Variants in SH3RF1 observed in about 807,000 individuals in gnomAD.
SH3RF1 encodes E3 ubiquitin-protein ligase SH3RF1.
In SH3RF1, 32 loss-of-function variants were observed where a neutral mutation model predicts 74.0. The ratio of observed to expected loss-of-function variants is 0.43; its 90% confidence interval spans 0.33 to 0.58. The LOEUF is 0.58. Ranked by LOEUF, SH3RF1 falls within the 20% of genes least tolerant of loss-of-function variation. SH3RF1 has a pLI of 0.05. For missense variants in SH3RF1, 954 were observed against 1,130.9 expected (o/e 0.84, Z 2.24); for synonymous variants, 396 against 439.6 (o/e 0.90, Z 1.24).
intron 2 of SH3RF1, among the ~76,000 whole-genome samples, chr4:169,211,678 G>A (rs772442969): frequency 1.3e-5 from 2 of 152,126 alleles, no homozygotes; most frequent in Non-Finnish European, 2.9e-5. Flanking sequence ...ATTAAAAGGG[G>A]GGAAGTGTTA....
intron 11 of SH3RF1, among the ~76,000 whole-genome samples, chr4:169,103,086 A>ATT (rs60740517): frequency 2.2e-4 from 19 of 87,070 alleles, no homozygotes; most frequent in East Asian, 3.3e-4. Context: ...GCGCCTGGCT[A>ATT]TTTTTTTTTT....
At chr4:169,109,234 G>A (rs1733200615) in intron 10 of SH3RF1, among the ~76,000 whole-genome samples, 2 of 152,182 alleles carry the variant, frequency 1.3e-5, no homozygotes, top group African/African-American at 4.8e-5. Flanking sequence ...CAAGTCCATT[G>A]ATAAATTACA....
At chr4:169,215,666 T>A (rs1232269130) in intron 2 of SH3RF1, among the ~76,000 whole-genome samples, 1 of 152,230 alleles carries the variant, frequency 6.6e-6, no homozygotes. Context: ...GTTTTGTTTA[T>A]TATTGAAGTT....
At chr4:169,164,882 CCAACTGACAGATA>C (rs1457011298) in intron 2 of SH3RF1, among the ~76,000 whole-genome samples, 1 of 152,104 alleles carries the variant, frequency 6.6e-6, no homozygotes, top group Non-Finnish European at 1.5e-5. Context: ...GCCTTAGTAC[CCAACTGACAGATA>C]AATCATTAAA....
chr4:169,255,967 T>C (rs1731187024), intron 2 of SH3RF1, among the ~76,000 whole-genome samples: 1 of 151,906 alleles, frequency 6.6e-6, no homozygotes. Context: ...GAGGTTTTGC[T>C]ATGTTGCCCA....
At chr4:169,105,647 A>G (rs549941798) in intron 11 of SH3RF1, among the ~76,000 whole-genome samples, 10 of 152,298 alleles carry the variant, frequency 6.6e-5, no homozygotes, top group African/African-American at 2.4e-4. Flanking sequence ...TAATCGCAGC[A>G]TTTTGGGAGG....
At chr4:169,113,111 CT>C (rs557151832) in intron 10 of SH3RF1, among the ~76,000 whole-genome samples, 1,807 of 150,102 alleles carry the variant, frequency 0.012, 19 homozygotes, top group African/African-American at 0.04. Context: ...TCCCAGTTTT[CT>C]TTTTTTTTTC....
At chr4:169,239,444 GA>G (rs1237910137) in intron 2 of SH3RF1, among the ~76,000 whole-genome samples, 1 of 152,180 alleles carries the variant, frequency 6.6e-6, no homozygotes, top group East Asian at 1.9e-4. Context: ...AGACATCTGT[GA>G]AGGCTGACCT....
At chr4:169,127,836 C>G (rs1367286929) in intron 6 of SH3RF1, among the ~76,000 whole-genome samples, 1 of 152,178 alleles carries the variant, frequency 6.6e-6, no homozygotes, top group Non-Finnish European at 1.5e-5. Context: ...TTAAGCCAGC[C>G]TTATGTCTTT....
chr4:169,219,014 T>C (rs950741141), intron 2 of SH3RF1, among the ~76,000 whole-genome samples: 8 of 152,248 alleles, frequency 5.3e-5, no homozygotes, highest in Non-Finnish European at 7.4e-5. Context: ...TCCCTCCAAA[T>C]ACAACTTCCC....
At chr4:169,129,381 T>C (rs1332745092) in intron 6 of SH3RF1, among the ~76,000 whole-genome samples, 3 of 152,232 alleles carry the variant, frequency 2.0e-5, no homozygotes, top group Non-Finnish European at 4.4e-5. Flanking sequence ...CCCTTTTAAT[T>C]TTCTTTCCAG....
chr4:169,247,068 G>A (rs886096860), intron 2 of SH3RF1, among the ~76,000 whole-genome samples: 5 of 152,222 alleles, frequency 3.3e-5, no homozygotes, highest in African/African-American at 1.2e-4. Context: ...GGCATTAAAA[G>A]AGGACTTCAA....
At chr4:169,164,982 T>C (rs1030299858) in intron 2 of SH3RF1, among the ~76,000 whole-genome samples, 2 of 152,192 alleles carry the variant, frequency 1.3e-5, no homozygotes, top group Non-Finnish European at 2.9e-5. Flanking sequence ...TGCAAGAAGT[T>C]TGTGTCACTC....
intron 10 of SH3RF1, among the ~76,000 whole-genome samples, chr4:169,112,841 C>A (rs555941504): frequency 1.3e-5 from 2 of 152,238 alleles, no homozygotes; most frequent in African/African-American, 4.8e-5. Context: ...AAGACACAGA[C>A]CCGCTGTGGA....
intron 4 of SH3RF1, among the ~76,000 whole-genome samples, chr4:169,140,447 T>C (rs1733765996): frequency 6.6e-6 from 1 of 152,174 alleles, no homozygotes; most frequent in Non-Finnish European, 1.5e-5. Flanking sequence ...TTAGGTTGGA[T>C]ATAAGGTAAA....
chr4:169,139,297 C>T (rs1733747442), intron 4 of SH3RF1, among the ~76,000 whole-genome samples: 1 of 152,176 alleles, frequency 6.6e-6, no homozygotes, highest in African/African-American at 2.4e-5. Context: ...TCTACAAATG[C>T]AGAGAAATGA....
At chr4:169,177,840 T>A (rs1734446188) in intron 2 of SH3RF1, among the ~76,000 whole-genome samples, 1 of 152,108 alleles carries the variant, frequency 6.6e-6, no homozygotes, top group African/African-American at 2.4e-5. Flanking sequence ...AAACCTTACA[T>A]ATGTGTATGT....
intron 2 of SH3RF1, among the ~76,000 whole-genome samples, chr4:169,159,563 C>A (rs1432829413): frequency 7.2e-5 from 11 of 152,312 alleles, no homozygotes; most frequent in African/African-American, 2.4e-4. Context: ...GGTTAACTCG[C>A]TGTGCCTCTT....
chr4:169,268,695 A>G (rs747084987), intron 2 of SH3RF1, 125 bp downstream of exon 2: 20 of 986,902 alleles, frequency 2.0e-5, no homozygotes, highest in Middle Eastern at 3.4e-4. Context: ...GGTATAATCT[A>G]TCTGTTCCAG....
Sources: gnomAD v4.1 joint callset for allele counts (sites outside exome capture counted in the v4.1 genomes callset) on GRCh38, gnomAD v4.1.1 for gene constraint, MANE v1.5 for transcripts, NCBI Gene and HGNC (gene_info 2026-07-23, HGNC 2026-07-21) for gene names.